The following DDX60 variants were observed in gnomAD, a reference collection of about 807,000 sequenced individuals.
The protein encoded by DDX60 is probable ATP-dependent RNA helicase DDX60.
DDX60 carries 165 observed loss-of-function variants against 212.8 expected under a neutral mutation model. The ratio of observed to expected loss-of-function variants is 0.78; its 90% CI spans 0.68 to 0.88. DDX60 has a LOEUF of 0.88. DDX60 is among the 40% of genes least tolerant of loss of function. DDX60 has a pLI of 0.00. For missense variants in DDX60, 1,905 were observed against 2,003.9 expected (o/e 0.95, Z 0.94); for synonymous variants, 703 against 685.3 (o/e 1.03, Z -0.40).
At chr4:168,315,859 C>A (rs187140739) in intron 1 of DDX60, among the ~76,000 whole-genome samples, 25 of 152,228 alleles carry the variant, frequency 1.6e-4, no homozygotes, top group Admixed American at 1.3e-3. Flanking sequence ...CAAGTCTTTG[C>A]TATTGTAAAT....
At position 168,291,807 on chromosome 4, in the gene DDX60, C is replaced by T; in HGVS notation, c.982G>A (p.Ala328Thr). 1.2e-6 allele frequency: 2 copies of T among 1,613,818 alleles called. No individual in the cohort carries two copies. The highest frequency in any genetic ancestry group is 1.7e-6 in the Non-Finnish European group (2 of 1,179,876). The change falls in exon 8 of 38, where the codon GCT becomes ACT. Residue 328 changes from alanine to threonine, a missense_variant. Transcript: ENST00000393743. The stretch of plus-strand genomic sequence containing the variant: ...TGGGAAGTGATGACTCTAGCACAAG[C>T]TCTTTGAGAAAGAGGCAGATGGAGT... ...FLLHLPLSQR[A>T]CARVITSHWA... is the part of the protein sequence containing the mutation.
At chr4:168,245,739 G>C (rs1227443253) in intron 30 of DDX60, among the ~76,000 whole-genome samples, 1 of 152,148 alleles carries the variant, frequency 6.6e-6, no homozygotes, top group African/African-American at 2.4e-5. Flanking sequence ...ATAAAGATGA[G>C]AATCAAATTA....
rs1298774159 is a variant in DDX60 at position 168,216,418 on chromosome 4, TAA to T, written c.*513_*514del. The T allele has an allele frequency of 6.6e-5, 10 of 152,240 alleles. No individual in the cohort carries two copies. Among genetic ancestry groups the T allele is most frequent in the African/African-American group, 2.4e-4 (10 of 41,458 alleles). 9.4% of individuals were successfully genotyped at this position (152,240 alleles called of 1,614,324 possible). A position where few individuals can be genotyped will look rare whatever the true frequency, so the allele number is the denominator to read the frequency against. On this transcript the variant is annotated 3_prime_UTR_variant, in exon 38 of 38. Coordinates refer to ENST00000393743, the MANE Select transcript of DDX60 (RefSeq NM_017631.6). Reference sequence around the variant, plus strand: ...CAAAATGTATGTTTAAAAAGTAGTTTAAGTTTACTAGAAAGTACTATCTCAAT... The same window carrying T: ...CAAAATGTATGTTTAAAAAGTAGTTTGTTTACTAGAAAGTACTATCTCAAT...
intron 10 of DDX60, 83 bp downstream of exon 10, chr4:168,286,964 CT>C: frequency 1.0e-6 from 1 of 1,001,120 alleles, no homozygotes; most frequent in Non-Finnish European, 1.4e-6. Flanking sequence ...ATTATTTATA[CT>C]TGCAGCACTG....
intron 1 of DDX60, among the ~76,000 whole-genome samples, chr4:168,317,758 C>T (rs1737462000): frequency 6.6e-6 from 1 of 152,180 alleles, no homozygotes; most frequent in Non-Finnish European, 1.5e-5. Context: ...TTTAAAGGTA[C>T]CCTATACCTT....
chr4:168,221,699 A>C lies in DDX60; in HGVS notation c.4976+31T>G, dbSNP rs192625185. ...TCATTAGAGATGGAGATGGGAGGAC[A>C]GAGAAACAGAGACAGACAGAGAGGA... On this transcript the variant is annotated intron_variant, in intron 36 of 37. Transcript: ENST00000393743. 8 of 1,569,078 alleles carry C rather than the reference A, an allele frequency of 5.1e-6. No homozygotes were observed. The East Asian group carries it at 1.6e-4, about 31-fold the overall frequency.
chr4:168,274,598 G>T (rs1007362017), intron 16 of DDX60, among the ~76,000 whole-genome samples: 6 of 152,154 alleles, frequency 3.9e-5, no homozygotes, highest in African/African-American at 1.2e-4. Flanking sequence ...ACCCCAACCG[G>T]TCCACTCCCG....
intron 33 of DDX60, among the ~76,000 whole-genome samples, chr4:168,228,031 T>C (rs1021670443): frequency 2.6e-5 from 4 of 152,216 alleles, no homozygotes; most frequent in African/African-American, 7.2e-5. Context: ...TTAGGTGATA[T>C]TGTCATTGTG....
At chr4:168,319,020 G>A (rs767884056), upstream of DDX60, among the ~76,000 whole-genome samples, 1 of 152,158 alleles carries the variant, frequency 6.6e-6, no homozygotes, top group Non-Finnish European at 1.5e-5. Context: ...TAACAATAAT[G>A]CATATTTCAA....
At chr4:168,242,452 C>T (rs1010560130) in intron 30 of DDX60, among the ~76,000 whole-genome samples, 2 of 152,204 alleles carry the variant, frequency 1.3e-5, no homozygotes, top group African/African-American at 4.8e-5. Context: ...TGAAGCTGCC[C>T]AAGGCCATGG....
At position 168,251,066 on chromosome 4, in the gene DDX60, T is replaced by G. The variant is rs968654379; in HGVS notation, c.3746A>C (p.Lys1249Thr). Reference protein sequence around the residue: ...KVFGRVKFERKGEELKALAER... With the variant: ...KVFGRVKFERTGEELKALAER... Reference sequence around the variant, plus strand: ...TGCCAAGGCTTTCAATTCTTCACCTTTTCTTTCAAATTTTACTCGACCAAA... The same window carrying G: ...TGCCAAGGCTTTCAATTCTTCACCTGTTCTTTCAAATTTTACTCGACCAAA... The change falls in exon 28 of 38, where the codon AAA (lysine) becomes ACA (threonine). Residue 1249 changes from lysine (K) to threonine (T), a missense_variant. By Grantham distance (78) the Lys-to-Thr change is moderately conservative (BLOSUM62 -1). Coordinates refer to ENST00000393743, the MANE Select transcript of DDX60 (RefSeq NM_017631.6). 1 of 1,613,724 alleles carries G rather than the reference T, an allele frequency of 6.2e-7. No homozygotes were observed. The highest frequency in any genetic ancestry group is 1.7e-5 in the Admixed American group (1 of 60,008).
intron 6 of DDX60, among the ~76,000 whole-genome samples, chr4:168,295,804 A>G (rs2149538931): frequency 6.6e-6 from 1 of 152,364 alleles, no homozygotes; most frequent in Non-Finnish European, 1.5e-5. Flanking sequence ...GTATATATAC[A>G]CAATGGAATA....
At position 168,248,191 on chromosome 4, in the gene DDX60, T is replaced by A. The variant is rs756893830; in HGVS notation, c.3960A>T (p.Arg1320Ser). Residue 1320 changes from arginine to serine, a missense_variant, in exon 29 of 38, where the codon AGA (arginine) becomes AGT (serine). By Grantham distance (110) the Arg-to-Ser change is moderately radical. Transcript: ENST00000393743. ...NSVYLDALNYRQMSGRAGRRG... is the reference protein window; with the variant it reads ...NSVYLDALNYSQMSGRAGRRG... ...AAGTTTATGCATTTTGCAATACCTG[T>A]CTATAATTCAACGCATCCAGATAGA... is the stretch of plus-strand genomic sequence containing the variant. 2 of 1,599,694 alleles carry A rather than the reference T, an allele frequency of 1.3e-6. No homozygotes were observed. Among genetic ancestry groups the A allele is most frequent in the Non-Finnish European group, 1.7e-6 (2 of 1,174,508 alleles).
chr4:168,308,705 T>C (rs1736999491), intron 3 of DDX60, among the ~76,000 whole-genome samples: 2 of 148,404 alleles, frequency 1.3e-5, no homozygotes, highest in African/African-American at 2.4e-5. Flanking sequence ...ATATATTATA[T>C]ATGTATATAT....
intron 14 of DDX60, among the ~76,000 whole-genome samples, chr4:168,278,565 C>T (rs932427343): frequency 2.0e-5 from 3 of 152,194 alleles, no homozygotes; most frequent in Non-Finnish European, 4.4e-5. Context: ...TGGCTCACGC[C>T]TGTAATCCCA....
At chr4:168,239,456 AAGAT>A (rs916130380) in intron 30 of DDX60, among the ~76,000 whole-genome samples, 8 of 152,114 alleles carry the variant, frequency 5.3e-5, no homozygotes, top group African/African-American at 1.7e-4. Context: ...GACATAAAGA[AAGAT>A]AGATCAATGT....
chr4:168,271,934 C>A, intron 19 of DDX60, 109 bp downstream of exon 19: 1 of 870,454 alleles, frequency 1.1e-6, no homozygotes, highest in Non-Finnish European at 1.8e-6. Flanking sequence ...CGGAGGCCTT[C>A]TCAATCTGAA....
At chr4:168,310,712 T>C (rs1222877773) in intron 3 of DDX60, among the ~76,000 whole-genome samples, 1 of 152,200 alleles carries the variant, frequency 6.6e-6, no homozygotes, top group Non-Finnish European at 1.5e-5. Flanking sequence ...AGTTCATAAA[T>C]GTGATGATTG....
At chr4:168,298,132 C>T (rs192392195) in intron 6 of DDX60, among the ~76,000 whole-genome samples, 44 of 151,540 alleles carry the variant, frequency 2.9e-4, no homozygotes, top group African/African-American at 8.7e-4. Flanking sequence ...ATTACCATAA[C>T]GAAACATGTA....
Sources: allele counts gnomAD v4.1 joint callset (sites outside exome capture counted in the v4.1 genomes callset), GRCh38; gene constraint gnomAD v4.1.1; transcripts MANE v1.5; gene names NCBI Gene and HGNC (gene_info 2026-07-23, HGNC 2026-07-21).